SLC12A4: variants seen among roughly 807,000 people sequenced by gnomAD.
SLC12A4 encodes electroneutral potassium-chloride cotransporter 1.
SLC12A4 carries 84 observed loss-of-function variants against 119.2 expected under a neutral mutation model. The observed-to-expected ratio is 0.70, with a 90% confidence interval of 0.59 to 0.85. The LOEUF (loss-of-function observed/expected upper bound fraction) is 0.85. Among genes scored for constraint, SLC12A4 ranks in the 40% least tolerant of loss-of-function variants. SLC12A4 has a pLI of 0.00. For missense variants in SLC12A4, 1,298 were observed against 1,476.3 expected (o/e 0.88, Z 1.98); for synonymous variants, 599 against 604.6 (o/e 0.99, Z 0.14).
At chr16:67,963,320 A>G in intron 2 of SLC12A4, 145 bp downstream of exon 2, 1 of 495,314 alleles carries the variant, frequency 2.0e-6, no homozygotes, top group Non-Finnish European at 3.5e-6. Flanking sequence ...GGCCAAGGGA[A>G]CTGCAGCCCG....
Position 67,963,572 on chromosome 16 carries a change from A to G in SLC12A4, c.116-13T>C, listed in dbSNP as rs1232834704. 1.3e-6 allele frequency: 2 copies of G among 1,535,358 alleles called. No individual in the cohort carries two copies. Among genetic ancestry groups the G allele is most frequent in the African/African-American group, 2.8e-5 (2 of 71,570 alleles). On this transcript the variant is annotated splice_polypyrimidine_tract_variant and intron_variant, in intron 1 of 23. Coordinates refer to ENST00000316341, the MANE Select transcript of SLC12A4 (RefSeq NM_005072.5). ...TGGTTGCCATGTCCTGTGAAGAGAGAGGGACAATCAGGGCCTGCTTCCTGA... is the reference window on the plus strand; with the variant it reads ...TGGTTGCCATGTCCTGTGAAGAGAGGGGGACAATCAGGGCCTGCTTCCTGA...
chr16:67,966,689 A>G, intron 1 of SLC12A4: 1 of 1,544,840 alleles, frequency 6.5e-7, no homozygotes. Context: ...GATAGATCTG[A>G]GGCTCACTGT....
At chr16:67,960,686 G>C (rs1373216789) in intron 3 of SLC12A4, among the ~76,000 whole-genome samples, 1 of 151,396 alleles carries the variant, frequency 6.6e-6, no homozygotes, top group African/African-American at 2.4e-5. Flanking sequence ...TGTGGAGAGG[G>C]AGGGTCCCTA....
chr16:67,959,752 G>A (rs1354976946), intron 3 of SLC12A4, among the ~76,000 whole-genome samples: 1 of 152,210 alleles, frequency 6.6e-6, no homozygotes, highest in Non-Finnish European at 1.5e-5. Flanking sequence ...GGCCGGAAAT[G>A]CTTTCTGCAT....
At position 67,958,087 on chromosome 16, in the gene SLC12A4, G is replaced by C. The variant is rs12933970; in HGVS notation, c.343-43C>G. The C allele has an allele frequency of 8.9e-3, 14,199 of 1,596,026 alleles. 102 individuals are homozygous for C. The highest frequency in any genetic ancestry group is 0.011 in the Non-Finnish European group (13,259 of 1,169,942). ...GAGGGGGCGAGTAGAGCATCAGAGGGATGCACCATGGAGAGTCAGCCCTAG... is the reference window on the plus strand; with the variant it reads ...GAGGGGGCGAGTAGAGCATCAGAGGCATGCACCATGGAGAGTCAGCCCTAG... On this transcript the variant is annotated intron_variant, in intron 3 of 23. Transcript: ENST00000316341.
intron 1 of SLC12A4, among the ~76,000 whole-genome samples, chr16:67,966,222 C>T (rs955695745): frequency 2.0e-5 from 3 of 152,260 alleles, no homozygotes; most frequent in African/African-American, 4.8e-5. Flanking sequence ...TAGTGCCAGA[C>T]GCCCAGTGGG....
At position 67,950,238 on chromosome 16, in the gene SLC12A4, C is replaced by T. The variant is rs1042659523; in HGVS notation, c.1629+81G>A. 1.1e-5 allele frequency: 17 copies of T among 1,511,176 alleles called. No homozygotes were observed. Among genetic ancestry groups the T allele is most frequent in the Non-Finnish European group, 3.6e-6 (4 of 1,113,740 alleles). The allele number at this position is 1,511,176 out of a possible 1,614,324, so 93.6% of individuals were successfully genotyped here. On this transcript the variant is annotated intron_variant, in intron 12 of 23. Transcript: ENST00000316341. This position sits in a 1 kb window ranked among gnomAD's most constrained non-coding sequence, Gnocchi z 4.3. Reference sequence around the variant, plus strand: ...GGGCCAATAAGGGCAGGACGTGCTGCATCTGTGTTCCCTATCTCTCTCCCC... The same window carrying T: ...GGGCCAATAAGGGCAGGACGTGCTGTATCTGTGTTCCCTATCTCTCTCCCC...
At position 67,943,906 on chromosome 16, in the gene SLC12A4, C is replaced by A. The variant is rs1365745570; in HGVS notation, c.*934G>T. ...GCCAGGGGCTGGGGCCCAGGCTCCC[C>A]AGGGTCTGGCGTGGTGCATCAGGGG... On this transcript the variant is annotated 3_prime_UTR_variant, in exon 24 of 24. Coordinates refer to ENST00000316341, the MANE Select transcript of SLC12A4 (RefSeq NM_005072.5). The surrounding 1 kb of genome is among the most constrained non-coding windows in gnomAD (Gnocchi z 4.6). The A allele has an allele frequency of 1.3e-6, 2 of 1,506,200 alleles. No individual in the cohort carries two copies. Among genetic ancestry groups the A allele is most frequent in the African/African-American group, 2.8e-5 (2 of 72,106 alleles). 93.3% of individuals were successfully genotyped at this position (1,506,200 alleles called of 1,614,324 possible).
chr16:67,947,093 C>T lies in SLC12A4; in HGVS notation c.2085G>A (p.Leu695=). The part of the protein sequence containing the change: ...PHTKNWRPQL[L]VLLKLDEDLH... The stretch of plus-strand genomic sequence containing the variant: ...GGTCCTCGTCCAGCTTCAGCAGCAC[C>T]AGCAGCTGCGGCCTGCAGTGGCCGG... Residue 695 remains leucine (L), a synonymous_variant, in exon 17 of 24, where the codon CTG becomes CTA. Coordinates refer to ENST00000316341, the MANE Select transcript of SLC12A4 (RefSeq NM_005072.5). The T allele has an allele frequency of 1.3e-6, 2 of 1,597,384 alleles. No individual in the cohort carries two copies. The highest frequency in any genetic ancestry group is 1.7e-6 in the Non-Finnish European group (2 of 1,174,260).
In SLC12A4 at chr16:67,957,161, C is replaced by T. The variant is rs574351006; in HGVS notation, c.544+581G>A. Among the ~76,000 whole-genome samples the T allele has an allele frequency of 2.6e-3, 390 of 150,282 alleles. 3 individuals carry two copies. The highest frequency in any genetic ancestry group is 0.016 in the South Asian group (78 of 4,754). ...GGAATTACAAGTGCCCACCACCATG[C>T]CTGGCTAATTTTTTTTTTTTTTTTT... On this transcript the variant is annotated intron_variant, in intron 5 of 23. Transcript: ENST00000316341.
chr16:67,963,528 A>G lies in SLC12A4; in HGVS notation c.147T>C (p.Phe49=), dbSNP rs979557973. The change falls in exon 2 of 24, where the codon TTT becomes TTC. Residue 49 remains phenylalanine, a synonymous_variant. Transcript: ENST00000316341. The part of the protein sequence containing the change: ...GHGNHRESSP[F]LSPLEASRGI... ...CTCTGGAAGCCTCCAAGGGGGAAAG[A>G]AAAGGGCTGCTCTCTCTGTGGTTGC... The G allele has an allele frequency of 2.5e-6, 4 of 1,586,228 alleles. No homozygotes were observed. Among genetic ancestry groups the G allele is most frequent in the Non-Finnish European group, 2.6e-6 (3 of 1,171,574 alleles).
At position 67,945,528 on chromosome 16, in the gene SLC12A4, G is replaced by T; in HGVS notation, c.2873C>A (p.Ser958Ter). 1.2e-6 allele frequency: 2 copies of T among 1,613,824 alleles called. No homozygotes were observed. The highest frequency in any genetic ancestry group is 1.7e-6 in the Non-Finnish European group (2 of 1,179,922). The part of the protein sequence containing the change: ...REAQLVKDRH[S>*]ALRLESLYSD... ...GTACAGGCTCTCCAGCCGCAGGGCC[G>T]AGTGCCGATCCTTGACCAGCTGGGC... is the stretch of plus-strand genomic sequence containing the variant. Residue 958 changes from serine (S) to a stop codon, truncating the protein, a stop_gained, in exon 22 of 24, where the codon TCG (serine) becomes TAG (stop). Transcript: ENST00000316341. LOFTEE classifies it high-confidence loss of function.
intron 6 of SLC12A4, 144 bp downstream of exon 6, chr16:67,954,499 C>A: frequency 9.9e-7 from 1 of 1,009,618 alleles, no homozygotes; most frequent in Non-Finnish European, 1.4e-6. Flanking sequence ...GAGTAAAGGT[C>A]TTTGTCTCTC....
rs1158921714 is a variant in SLC12A4, at chr16:67,951,660, C to G, written c.1132+163G>C. The G allele has an allele frequency of 2.9e-6, 2 of 688,094 alleles. No homozygotes were observed. Among genetic ancestry groups the G allele is most frequent in the African/African-American group, 3.6e-5 (2 of 55,720 alleles). The allele number at this position is 688,094 out of a possible 1,614,324, so 42.6% of individuals were successfully genotyped here. A position where few individuals can be genotyped will look rare whatever the true frequency, so the allele number is the denominator to read the frequency against. On this transcript the variant is annotated intron_variant, in intron 8 of 23. Coordinates refer to ENST00000316341, the MANE Select transcript of SLC12A4 (RefSeq NM_005072.5). This position sits in a 1 kb window ranked among gnomAD's most constrained non-coding sequence, Gnocchi z 5.2. ...GCTGGCCAGACAGGCTCCACTCACT[C>G]CAAACTCGGCTGCCAGGAGCCAGGC... is the stretch of plus-strand genomic sequence containing the variant.
chr16:67,958,980 T>C lies in SLC12A4; in HGVS notation c.343-936A>G, dbSNP rs2030422007. Reference sequence around the variant, plus strand: ...GTGCTTGTATATTTTGTTACTATATTAGGGCAGGCTTGGCTTGTTTATGGT... The same window carrying C: ...GTGCTTGTATATTTTGTTACTATATCAGGGCAGGCTTGGCTTGTTTATGGT... On this transcript the variant is annotated intron_variant, in intron 3 of 23. Transcript: ENST00000316341. 2.6e-5 allele frequency among the ~76,000 whole-genome samples: 4 copies of C among 152,140 alleles called. No individual in the cohort carries two copies. In the South Asian group the frequency reaches 8.3e-4, roughly 32 times the overall value.
intron 1 of SLC12A4, chr16:67,963,809 C>T: frequency 7.4e-7 from 1 of 1,344,690 alleles, no homozygotes; most frequent in Non-Finnish European, 1.0e-6. Flanking sequence ...AGGGCGCAGG[C>T]GCCCTAGCAC....
chr16:67,954,875 C>T, intron 5 of SLC12A4, 102 bp from the exon 6 acceptor site: 2 of 1,458,070 alleles, frequency 1.4e-6, no homozygotes, highest in South Asian at 1.3e-5. Flanking sequence ...ACAGGGACTG[C>T]TTTTCCTGTT....
chr16:67,954,075 G>A (rs1250493380), intron 6 of SLC12A4: 2 of 343,286 alleles, frequency 5.8e-6, no homozygotes, highest in Non-Finnish European at 5.9e-6. Flanking sequence ...GCGGGCACCT[G>A]TCACCCCATG....
chr16:67,952,036 C>T lies in SLC12A4; in HGVS notation c.919G>A (p.Val307Ile), dbSNP rs2029939990. 1 of 1,613,476 alleles carries T rather than the reference C, an allele frequency of 6.2e-7. No individual in the cohort carries two copies. The highest frequency in any genetic ancestry group is 8.5e-7 in the Non-Finnish European group (1 of 1,179,650). The change falls in exon 8 of 24, where the codon GTA becomes ATA. Residue 307 changes from valine (V) to isoleucine (I), a missense_variant and splice_region_variant. Val to Ile is a conservative substitution (Grantham distance 29). Coordinates refer to ENST00000316341, the MANE Select transcript of SLC12A4 (RefSeq NM_005072.5). ...KSIFDPPVFP[V>I]CMLGNRTLSR... ...AGGGTCCTGTTGCCCAGCATGCATA[C>T]CCTGTGAGGGACAGAAGCACCGGCA...
Sources: gnomAD v4.1 joint callset for allele counts (sites outside exome capture counted in the v4.1 genomes callset) on GRCh38, gnomAD v4.1.1 for gene constraint, Gnocchi (gnomAD v3.1) non-coding constraint, MANE v1.5 for transcripts, NCBI Gene and HGNC (gene_info 2026-07-23, HGNC 2026-07-21) for gene names.